Variants in TNS1 observed in about 807,000 individuals in gnomAD.
The protein encoded by TNS1 is tensin 1.
TNS1 carries 62 observed loss-of-function variants against 168.6 expected under a neutral mutation model. That is an observed-to-expected ratio of 0.37 (90% CI 0.30 to 0.45). The LOEUF is 0.45. TNS1 is among the 20% of genes least tolerant of loss of function. The probability of loss-of-function intolerance (pLI) is 1.00; values close to 1 mark genes in which losing one functional copy is unlikely to be tolerated. For synonymous variants in TNS1, 934 were observed against 933.2 expected (o/e 1.00, Z -0.02); for missense variants, 2,240 against 2,339.4 (o/e 0.96, Z 0.88).
chr2:217,903,467 T>C, intron 6 of TNS1: 2 of 1,235,428 alleles, frequency 1.6e-6, no homozygotes, highest in Non-Finnish European at 2.2e-6. Flanking sequence ...ATCCTATTCT[T>C]TTCCTCTCCG....
chr2:217,917,185 T>G (rs1955109190), intron 4 of TNS1, among the ~76,000 whole-genome samples: 4 of 152,064 alleles, frequency 2.6e-5, no homozygotes, highest in Non-Finnish European at 5.9e-5. Context: ...CCCCCACCTT[T>G]AGGACTCAAC....
chr2:217,852,356 C>T (rs555336401), intron 18 of TNS1, among the ~76,000 whole-genome samples: 2 of 152,238 alleles, frequency 1.3e-5, no homozygotes, highest in Non-Finnish European at 2.9e-5. Context: ...CTGCCACCTA[C>T]ACTGTGAGGT....
chr2:218,022,682 G>T (rs550043198), intron 1 of TNS1, among the ~76,000 whole-genome samples: 1 of 151,990 alleles, frequency 6.6e-6, no homozygotes, highest in East Asian at 2.0e-4. Flanking sequence ...AGCCCCCAGA[G>T]CGAGAAATAC....
intron 18 of TNS1, among the ~76,000 whole-genome samples, chr2:217,854,556 G>A (rs370482471): frequency 5.3e-5 from 8 of 152,286 alleles, no homozygotes; most frequent in South Asian, 2.1e-4. Flanking sequence ...AAGAAGCACC[G>A]TGCCTACCCC....
At chr2:217,841,311 C>T (rs1469784320) in intron 19 of TNS1, 4 of 982,908 alleles carry the variant, frequency 4.1e-6, no homozygotes, top group Non-Finnish European at 4.8e-6. Context: ...CCCAGGGGAG[C>T]CAGCAGGGAG....
chr2:217,994,233 C>T (rs1958428615), intron 1 of TNS1, among the ~76,000 whole-genome samples: 1 of 152,192 alleles, frequency 6.6e-6, no homozygotes, highest in Non-Finnish European at 1.5e-5. Flanking sequence ...ATCTATCTCA[C>T]TTCCCCTGGT....
intron 18 of TNS1, chr2:217,879,250 G>A (rs1205130128): frequency 1.7e-5 from 5 of 302,508 alleles, no homozygotes; most frequent in South Asian, 2.4e-5. Flanking sequence ...ATTTATCATC[G>A]CATTGACCAT....
intron 8 of TNS1, among the ~76,000 whole-genome samples, chr2:217,895,851 G>A (rs1227011317): frequency 3.9e-5 from 6 of 152,216 alleles, no homozygotes; most frequent in Non-Finnish European, 7.3e-5. Flanking sequence ...ATCTCCTGGG[G>A]AGAAAAGGGG....
intron 1 of TNS1, among the ~76,000 whole-genome samples, chr2:218,017,953 G>A (rs1425414394): frequency 1.3e-5 from 2 of 152,200 alleles, no homozygotes; most frequent in African/African-American, 4.8e-5. Flanking sequence ...GGGAATGAAC[G>A]CCTGAGGGAG....
intron 3 of TNS1, among the ~76,000 whole-genome samples, chr2:217,946,937 GCTCTCTCTCTCTCT>G (rs150249191): frequency 3.1e-5 from 4 of 130,812 alleles, no homozygotes; most frequent in Non-Finnish European, 6.4e-5. Context: ...TTCCACCATC[GCTCTCTCTCTCTCT>G]CTCTCTCTCT....
chr2:217,936,575 G>A (rs1419640493), intron 3 of TNS1, among the ~76,000 whole-genome samples: 1 of 152,120 alleles, frequency 6.6e-6, no homozygotes, highest in Non-Finnish European at 1.5e-5. Flanking sequence ...CCTGGCTTGA[G>A]GCCTGCCCCT....
chr2:217,888,498 A>T (rs1248298537), intron 12 of TNS1, among the ~76,000 whole-genome samples: 1 of 152,196 alleles, frequency 6.6e-6, no homozygotes, highest in East Asian at 1.9e-4. Flanking sequence ...TGAACACGAG[A>T]TGATATGGTT....
At chr2:217,942,886 G>A (rs753929118) in intron 3 of TNS1, among the ~76,000 whole-genome samples, 3 of 151,898 alleles carry the variant, frequency 2.0e-5, no homozygotes, top group Non-Finnish European at 2.9e-5. Context: ...AGGCTTCTCC[G>A]GGTCCCCCCT....
chr2:218,018,406 G>GGCTGGCCCT (rs1298926717), intron 1 of TNS1, among the ~76,000 whole-genome samples: 1 of 152,208 alleles, frequency 6.6e-6, no homozygotes, highest in Non-Finnish European at 1.5e-5. Flanking sequence ...CAAGAAAACA[G>GGCTGGCCCT]GCTGGCCCTG....
intron 21 of TNS1, among the ~76,000 whole-genome samples, chr2:217,834,552 C>T (rs1944903104): frequency 6.6e-6 from 1 of 152,278 alleles, no homozygotes; most frequent in South Asian, 2.1e-4. Flanking sequence ...TCTGCCTCCC[C>T]AGTAAGTGTA....
intron 3 of TNS1, among the ~76,000 whole-genome samples, chr2:217,949,739 C>CAA (rs57937641): frequency 7.6e-4 from 107 of 140,550 alleles, no homozygotes; most frequent in African/African-American, 2.6e-3. Flanking sequence ...CACCAAGGAA[C>CAA]AAAAAAAAAA....
intron 31 of TNS1, 143 bp from the exon 32 acceptor site, chr2:217,808,250 C>A: frequency 1.0e-6 from 1 of 996,816 alleles, no homozygotes; most frequent in Non-Finnish European, 1.5e-6. Context: ...TCCCCCATTC[C>A]CCAGGGACAG....
At chr2:218,014,874 A>T (rs867394479), upstream of TNS1, among the ~76,000 whole-genome samples, 2 of 81,198 alleles carry the variant, frequency 2.5e-5, no homozygotes, top group African/African-American at 9.9e-5. Context: ...GAAGGACGGA[A>T]GGAAGGAAGG....
chr2:217,973,369 A>G (rs985115629), intron 3 of TNS1, among the ~76,000 whole-genome samples: 1 of 69,532 alleles, frequency 1.4e-5, no homozygotes, highest in Non-Finnish European at 2.9e-5. Context: ...CTGTCTCTGA[A>G]AAAAAAAAAA....
Sources: gnomAD v4.1 joint callset for allele counts (sites outside exome capture counted in the v4.1 genomes callset) on GRCh38, gnomAD v4.1.1 for gene constraint, MANE v1.5 for transcripts, NCBI Gene and HGNC (gene_info 2026-07-23, HGNC 2026-07-21) for gene names.